PIEZO2: variants seen among roughly 807,000 people sequenced by gnomAD.
PIEZO2 encodes piezo type mechanosensitive ion channel component 2, also known as piezo-type mechanosensitive ion channel component 2.
PIEZO2 carries 172 observed loss-of-function variants against 337.3 expected under a neutral mutation model. That is an observed-to-expected ratio of 0.51 (90% CI 0.45 to 0.58). The LOEUF (loss-of-function observed/expected upper bound fraction) is 0.58, where lower values mean the gene tolerates loss of function less well. Among genes scored for constraint, PIEZO2 ranks in the 20% least tolerant of loss-of-function variants. PIEZO2 has a pLI of 0.00. For synonymous variants in PIEZO2, 1,251 were observed against 1,228.5 expected, an observed-to-expected ratio of 1.02 and a Z score of -0.38; for missense variants, 3,028 against 3,391.3, an observed-to-expected ratio of 0.89 and a Z score of 2.66.
Position 11,096,991 on chromosome 18 carries a change from G to A in PIEZO2, c.65-30769C>T, listed in dbSNP as rs1163887400. Among the ~76,000 whole-genome samples, 4 of 152,118 alleles carry A rather than the reference G, an allele frequency of 2.6e-5. No individual in the cohort carries two copies. The highest frequency in any genetic ancestry group is 9.7e-5 in the African/African-American group (4 of 41,422). ...TCTAGGAAAGATTTAAATGCCTAAC[G>A]CCAGCAAGGCTTTTCCTCTAGGACA... On this transcript the variant is annotated intron_variant, in intron 1 of 55. Transcript: ENST00000674853. The surrounding 1 kb of genome is among the most constrained non-coding windows in gnomAD (Gnocchi z 4.6).
chr18:10,933,151 A>G (rs527567243), intron 3 of PIEZO2, among the ~76,000 whole-genome samples: 2 of 152,296 alleles, frequency 1.3e-5, no homozygotes, highest in South Asian at 4.1e-4. Context: ...GGACAAGGCT[A>G]CAAGGTTGGA....
rs527256136 is a variant in PIEZO2 at position 11,031,072 on chromosome 18, C to G, written c.160+35055G>C. ...TGGCGTGATCTTGGCTCATTGCAAA[C>G]GCCGCCTCCCGGGTTCACACCATTC... On this transcript the variant is annotated intron_variant, in intron 2 of 55. Transcript: ENST00000674853. This position sits in a 1 kb window ranked among gnomAD's most constrained non-coding sequence, Gnocchi z 4.7. 2.6e-5 allele frequency among the ~76,000 whole-genome samples: 4 copies of G among 152,102 alleles called. No individual in the cohort carries two copies. In the South Asian group the frequency reaches 8.3e-4, roughly 32 times the overall value.
At position 11,148,833 on chromosome 18, in the gene PIEZO2, C is replaced by A; in HGVS notation, c.-245G>T. 1 of 436,396 alleles carries A rather than the reference C, an allele frequency of 2.3e-6. No individual in the cohort carries two copies. The highest frequency in any genetic ancestry group is 4.0e-6 in the Non-Finnish European group (1 of 249,924). 27.0% of individuals were successfully genotyped at this position (436,396 alleles called of 1,614,324 possible). ...GGCTCTTGGCGGCCACCTAGCCCGG[C>A]GCCCGGCCCCCTGCGGCCGGCCCAT... On this transcript the variant is annotated 5_prime_UTR_variant, in exon 1 of 56. Transcript: ENST00000674853. The surrounding 1 kb of genome is among the most constrained non-coding windows in gnomAD (Gnocchi z 5.2).
chr18:10,754,503 CTA>C (rs1248313156), intron 27 of PIEZO2, among the ~76,000 whole-genome samples: 1 of 152,196 alleles, frequency 6.6e-6, no homozygotes, highest in Non-Finnish European at 1.5e-5. Flanking sequence ...TTTGAAATAA[CTA>C]AAACAAAAAT....
At chr18:10,698,839 C>T (rs2035211265) in intron 44 of PIEZO2, 86 bp downstream of exon 44, 1 of 1,470,936 alleles carries the variant, frequency 6.8e-7, no homozygotes, top group Non-Finnish European at 9.0e-7. Flanking sequence ...ACCCAATACA[C>T]TCCCTTGCCC....
intron 2 of PIEZO2, among the ~76,000 whole-genome samples, chr18:11,030,951 G>A (rs190455903): frequency 4.9e-4 from 75 of 152,224 alleles, no homozygotes; most frequent in African/African-American, 1.8e-3. Context: ...AAGCAATCTC[G>A]AGTAGTCCAC....
chr18:10,887,001 C>T (rs559933587), intron 4 of PIEZO2, among the ~76,000 whole-genome samples: 6 of 150,304 alleles, frequency 4.0e-5, no homozygotes, highest in South Asian at 2.1e-4. Flanking sequence ...GAAACAGGCA[C>T]ATCACAGGCC....
rs911032151 is a variant in PIEZO2 at position 10,954,705 on chromosome 18, T to C, written c.286+24830A>G. 6.6e-6 allele frequency among the ~76,000 whole-genome samples: 1 copy of C among 152,120 alleles called. No homozygotes were observed. The highest frequency in any genetic ancestry group is 6.5e-5 in the Admixed American group (1 of 15,270). On this transcript the variant is annotated intron_variant, in intron 3 of 55. Coordinates refer to ENST00000674853, the MANE Select transcript of PIEZO2 (RefSeq NM_001378183.1). This position sits in a 1 kb window ranked among gnomAD's most constrained non-coding sequence, Gnocchi z 4.2. ...CTTTTGGGACTGGTTGCCATGGTGA[T>C]GGCTGTGGCAGAAGCAAGTGGCCAC...
At chr18:11,066,879 C>T (rs187256012) in intron 1 of PIEZO2, among the ~76,000 whole-genome samples, 195 of 152,236 alleles carry the variant, frequency 1.3e-3, no homozygotes, top group African/African-American at 4.2e-3. Flanking sequence ...GGATTACAGG[C>T]GTGAGCCACC....
intron 7 of PIEZO2, among the ~76,000 whole-genome samples, chr18:10,809,842 G>A (rs908252940): frequency 6.6e-6 from 1 of 152,150 alleles, no homozygotes; most frequent in African/African-American, 2.4e-5. Context: ...ACAGAGCAAG[G>A]TGTCACAGAA....
chr18:11,088,037 T>C (rs1328981082), intron 1 of PIEZO2, among the ~76,000 whole-genome samples: 1 of 152,248 alleles, frequency 6.6e-6, no homozygotes, highest in Non-Finnish European at 1.5e-5. Flanking sequence ...CGCAGACTGC[T>C]GAGGGAGGCA....
At position 11,105,078 on chromosome 18, in the gene PIEZO2, T is replaced by A. The variant is rs1272293859; in HGVS notation, c.65-38856A>T. Among the ~76,000 whole-genome samples the A allele has an allele frequency of 6.6e-6, 1 of 152,184 alleles. No individual in the cohort carries two copies. The highest frequency in any genetic ancestry group is 1.5e-5 in the Non-Finnish European group (1 of 68,036). On this transcript the variant is annotated intron_variant, in intron 1 of 55. Coordinates refer to ENST00000674853, the MANE Select transcript of PIEZO2 (RefSeq NM_001378183.1). This position sits in a 1 kb window ranked among gnomAD's most constrained non-coding sequence, Gnocchi z 4.3. The stretch of plus-strand genomic sequence containing the variant: ...ATCATTTGGCAAAGAACAGCTTGAC[T>A]AAGCACGACACCACCACAGAAGAAA...
Position 11,024,550 on chromosome 18 carries a change from AAAAAAAAAAAAAAG to A in PIEZO2, c.160+41563_160+41576del, listed in dbSNP as rs1218591325. Among the ~76,000 whole-genome samples, 5 of 133,790 alleles carry A rather than the reference AAAAAAAAAAAAAAG, an allele frequency of 3.7e-5. No homozygotes were observed. The South Asian group carries it at 1.1e-3, about 30-fold the overall frequency. The allele number at this position is 133,790 out of a possible 152,430, so 87.8% of individuals were successfully genotyped here. On this transcript the variant is annotated intron_variant, in intron 2 of 55. Transcript: ENST00000674853. ...GACAGAGCGAGACTCTGTCTCAGAAAAAAAAAAAAAAAAGAAAAAAGAAAGTAAAAAGGAAAGAA... is the reference window on the plus strand; with the variant it reads ...GACAGAGCGAGACTCTGTCTCAGAAAAAAAAAGAAAGTAAAAAGGAAAGAA...
intron 1 of PIEZO2, among the ~76,000 whole-genome samples, chr18:11,120,896 A>T (rs2040010832): frequency 6.6e-6 from 1 of 152,216 alleles, no homozygotes; most frequent in Non-Finnish European, 1.5e-5. Context: ...TAAGTCACAA[A>T]TATATGTAAA....
chr18:10,920,541 C>T (rs2031325082), intron 3 of PIEZO2, among the ~76,000 whole-genome samples: 1 of 152,112 alleles, frequency 6.6e-6, no homozygotes, highest in African/African-American at 2.4e-5. Context: ...AACTCAGACA[C>T]ACAGCCTTCA....
Position 10,707,943 on chromosome 18 carries a change from C to A in PIEZO2, c.5588+332G>T, listed in dbSNP as rs75587059. Among the ~76,000 whole-genome samples, 1 of 152,054 alleles carries A rather than the reference C, an allele frequency of 6.6e-6. No individual in the cohort carries two copies. Among genetic ancestry groups the A allele is most frequent in the Admixed American group, 6.6e-5 (1 of 15,264 alleles). ...GAGTTCCCCCTTTGAGTAGTGCCCT[C>A]AGAAGCTCTAAATTATGGAGGAAAC... On this transcript the variant is annotated intron_variant, in intron 40 of 55. Transcript: ENST00000674853. This position sits in a 1 kb window ranked among gnomAD's most constrained non-coding sequence, Gnocchi z 4.2.
chr18:11,105,483 G>A lies in PIEZO2; in HGVS notation c.65-39261C>T, dbSNP rs1422386743. On this transcript the variant is annotated intron_variant, in intron 1 of 55. Coordinates refer to ENST00000674853, the MANE Select transcript of PIEZO2 (RefSeq NM_001378183.1). The surrounding 1 kb of genome is among the most constrained non-coding windows in gnomAD (Gnocchi z 4.3). ...CTTCCACACTTCAAACTACCACGTG[G>A]TGAGAATCCCAGCACAGCTTATCTC... is the stretch of plus-strand genomic sequence containing the variant. Among the ~76,000 whole-genome samples, 1 of 152,068 alleles carries A rather than the reference G, an allele frequency of 6.6e-6. No homozygotes were observed. The highest frequency in any genetic ancestry group is 6.6e-5 in the Admixed American group (1 of 15,260).
chr18:11,098,226 G>A (rs2039312907), intron 1 of PIEZO2, among the ~76,000 whole-genome samples: 1 of 149,808 alleles, frequency 6.7e-6, no homozygotes, highest in Non-Finnish European at 1.5e-5. Flanking sequence ...TGATACTTTG[G>A]AAAATTCAGA....
At chr18:10,801,878 G>A (rs7241972) in intron 9 of PIEZO2, among the ~76,000 whole-genome samples, 42,463 of 151,744 alleles carry the variant, frequency 0.28, 6,952 homozygotes, top group Middle Eastern at 0.41. Context: ...CGAGGCCAGG[G>A]GATCGAGACC....
Sources: gnomAD v4.1 joint callset for allele counts (sites outside exome capture counted in the v4.1 genomes callset) on GRCh38, gnomAD v4.1.1 for gene constraint, Gnocchi (gnomAD v3.1) non-coding constraint, MANE v1.5 for transcripts, NCBI Gene and HGNC (gene_info 2026-07-23, HGNC 2026-07-21) for gene names.